Variants in EXOC2 observed in about 807,000 individuals in gnomAD.
The protein encoded by EXOC2 is SEC5-like 1.
A neutral mutation model predicts 131.8 loss-of-function variants in EXOC2; 70 were observed. The ratio of observed to expected loss-of-function variants is 0.53; its 90% confidence interval spans 0.44 to 0.65. EXOC2 has a LOEUF of 0.65. EXOC2 is among the 30% of genes least tolerant of loss of function. The pLI is 0.00. For synonymous variants in EXOC2, 411 were observed against 398.4 expected, an observed-to-expected ratio of 1.03 and a Z score of -0.38; for missense variants, 923 against 1,108.6, an observed-to-expected ratio of 0.83 and a Z score of 2.38.
intron 23 of EXOC2, 108 bp downstream of exon 23, chr6:532,361 A>T: frequency 8.6e-7 from 1 of 1,157,390 alleles, no homozygotes; most frequent in Non-Finnish European, 1.1e-6. Context: ...TTAATCTCTC[A>T]CTCTCAGTAG....
At chr6:541,335 G>T (rs756931038) in intron 22 of EXOC2, among the ~76,000 whole-genome samples, 4 of 152,186 alleles carry the variant, frequency 2.6e-5, no homozygotes, top group Non-Finnish European at 4.4e-5. Context: ...GACACTTAGA[G>T]GGAAATTCAC....
intron 23 of EXOC2, among the ~76,000 whole-genome samples, chr6:508,304 CATT>C (rs1764673836): frequency 6.6e-6 from 1 of 152,176 alleles, no homozygotes; most frequent in African/African-American, 2.4e-5. Flanking sequence ...TGACATGTGT[CATT>C]ATTACCCAAA....
chr6:574,056 G>C (rs140551128), intron 12 of EXOC2, among the ~76,000 whole-genome samples: 1 of 152,134 alleles, frequency 6.6e-6, no homozygotes, highest in East Asian at 1.9e-4. Context: ...TAAGGCAAAG[G>C]CTTCCTCTTT....
intron 25 of EXOC2, among the ~76,000 whole-genome samples, chr6:496,657 C>G (rs958026091): frequency 1.3e-5 from 2 of 152,136 alleles, no homozygotes; most frequent in Non-Finnish European, 2.9e-5. Context: ...GCCATTTCCT[C>G]TAGAATCTGC....
At chr6:625,399 A>G (rs1347522490) in intron 4 of EXOC2, among the ~76,000 whole-genome samples, 5 of 152,194 alleles carry the variant, frequency 3.3e-5, no homozygotes, top group Admixed American at 1.3e-4. Context: ...GGAGGCCAAC[A>G]GTGAAAGTGG....
chr6:624,823 A>G (rs1761470837), intron 4 of EXOC2, among the ~76,000 whole-genome samples: 1 of 151,988 alleles, frequency 6.6e-6, no homozygotes, highest in South Asian at 2.1e-4. Context: ...CGGAGTAAAA[A>G]CTCTTACGTT....
At position 652,778 on chromosome 6, in the gene EXOC2, A is replaced by G. The variant is rs148234753; in HGVS notation, c.-43-14917T>C. On this transcript the variant is annotated intron_variant, in intron 1 of 27. Transcript: ENST00000230449. The stretch of plus-strand genomic sequence containing the variant: ...TACCCTTAAAGCAACATTTTGGTTA[A>G]CATGAACTTGACTACAGTTTACCTC... Among the ~76,000 whole-genome samples, 1,032 of 152,316 alleles carry G rather than the reference A, an allele frequency of 6.8e-3. 13 individuals are homozygous for G. The highest frequency in any genetic ancestry group is 0.024 in the African/African-American group (982 of 41,566).
At chr6:690,432 C>A (rs1274218204) in intron 1 of EXOC2, among the ~76,000 whole-genome samples, 1 of 152,146 alleles carries the variant, frequency 6.6e-6, no homozygotes, top group Non-Finnish European at 1.5e-5. Flanking sequence ...ATTTCCCGGC[C>A]CGGCGCAGGG....
chr6:569,712 C>A (rs1275292107), intron 13 of EXOC2, among the ~76,000 whole-genome samples: 1 of 152,176 alleles, frequency 6.6e-6, no homozygotes, highest in Non-Finnish European at 1.5e-5. Flanking sequence ...CCCAAATCTG[C>A]AGAGCAAATT....
chr6:567,325 G>A (rs1222249968), intron 13 of EXOC2, among the ~76,000 whole-genome samples: 1 of 152,148 alleles, frequency 6.6e-6, no homozygotes, highest in Admixed American at 6.5e-5. Flanking sequence ...CCCATCCTCT[G>A]TGTGGTTGTG....
At chr6:547,510 G>A (rs753934828) in intron 22 of EXOC2, among the ~76,000 whole-genome samples, 14 of 152,186 alleles carry the variant, frequency 9.2e-5, no homozygotes, top group Admixed American at 4.6e-4. Flanking sequence ...TTCTGGGATC[G>A]ATGCCCCTAG....
At chr6:586,736 A>T (rs2127617274) in intron 11 of EXOC2, among the ~76,000 whole-genome samples, 1 of 152,014 alleles carries the variant, frequency 6.6e-6, no homozygotes, top group South Asian at 2.1e-4. Context: ...TCCATAACTC[A>T]CTGGTCTGGA....
intron 7 of EXOC2, 118 bp downstream of exon 7, chr6:609,980 T>C: frequency 2.7e-6 from 2 of 727,906 alleles, no homozygotes; most frequent in Non-Finnish European, 4.6e-6. Flanking sequence ...CACTACTATT[T>C]AGAAATAAAT....
intron 27 of EXOC2, 81 bp from the exon 28 acceptor site, chr6:486,845 C>T: frequency 9.5e-7 from 1 of 1,055,952 alleles, no homozygotes; most frequent in Non-Finnish European, 1.4e-6. Flanking sequence ...GGAGCCAGTG[C>T]CCGGCTCTGC....
intron 23 of EXOC2, among the ~76,000 whole-genome samples, chr6:529,279 G>C (rs759146561): frequency 6.6e-6 from 1 of 152,220 alleles, no homozygotes; most frequent in Non-Finnish European, 1.5e-5. Flanking sequence ...ACCTTGGAGC[G>C]GGTGGATGGG....
At chr6:621,771 C>T (rs181914201) in intron 4 of EXOC2, among the ~76,000 whole-genome samples, 12 of 152,326 alleles carry the variant, frequency 7.9e-5, no homozygotes, top group African/African-American at 2.6e-4. Context: ...CACCGGTCAG[C>T]AGTCTCTGGG....
intron 1 of EXOC2, among the ~76,000 whole-genome samples, chr6:663,828 A>G (rs1268551936): frequency 1.3e-5 from 2 of 152,246 alleles, no homozygotes; most frequent in Admixed American, 6.5e-5. Flanking sequence ...CACAGCCAAC[A>G]TAATACTGAA....
intron 21 of EXOC2, 39 bp from the exon 22 acceptor site, chr6:549,330 G>A: frequency 1.4e-6 from 2 of 1,443,294 alleles, no homozygotes; most frequent in Non-Finnish European, 9.7e-7. Flanking sequence ...CACCTTTATG[G>A]TGCCAGAGAG....
chr6:576,801 G>T lies in EXOC2; in HGVS notation c.1274C>A (p.Ala425Glu), dbSNP rs563095350. 4 of 1,614,086 alleles carry T rather than the reference G, an allele frequency of 2.5e-6. No individual in the cohort carries two copies. The highest frequency in any genetic ancestry group is 2.5e-6 in the Non-Finnish European group (3 of 1,179,984). The change falls in exon 12 of 28, where the codon GCG becomes GAG. Residue 425 changes from alanine (A) to glutamate (E), a missense_variant. Ala to Glu is a moderately radical substitution (Grantham distance 107). Transcript: ENST00000230449. Reference sequence around the variant, plus strand: ...AAAGCTGCTGCCCCTCTTCAGGGACGCTGTCTGACTGAGATGGCCCAACAC... The same window carrying T: ...AAAGCTGCTGCCCCTCTTCAGGGACTCTGTCTGACTGAGATGGCCCAACAC... The part of the protein sequence containing the change: ...PSVLGHLSQT[A>E]SLKRGSSFQS...
Sources: gnomAD v4.1 joint callset for allele counts (sites outside exome capture counted in the v4.1 genomes callset) on GRCh38, gnomAD v4.1.1 for gene constraint, MANE v1.5 for transcripts, NCBI Gene and HGNC (gene_info 2026-07-23, HGNC 2026-07-21) for gene names.